The following TCF12 variants were observed in gnomAD, a reference collection of about 807,000 sequenced individuals.
The protein encoded by TCF12 is transcription factor 12, also known as DNA-binding protein HTF4.
Under a neutral mutation model 86.0 loss-of-function variants are expected in TCF12, and 45 were observed. The ratio of observed to expected loss-of-function variants is 0.52; its 90% CI spans 0.41 to 0.67. TCF12 has a LOEUF of 0.67. Ranked by LOEUF, TCF12 falls within the 30% of genes least tolerant of loss-of-function variation. TCF12 has a pLI of 0.00. For synonymous variants in TCF12, 330 were observed against 299.6 expected, an observed-to-expected ratio of 1.10 and a Z score of -1.05; for missense variants, 881 against 859.9, an observed-to-expected ratio of 1.02 and a Z score of -0.31.
chr15:57,241,267 T>C (rs906354709), intron 12 of TCF12, among the ~76,000 whole-genome samples: 4 of 152,088 alleles, frequency 2.6e-5, no homozygotes, highest in African/African-American at 7.2e-5. Context: ...AATTTTTGTA[T>C]GTCTAGTAGA....
intron 3 of TCF12, among the ~76,000 whole-genome samples, chr15:56,983,716 AG>A (rs1423848289): frequency 2.6e-5 from 4 of 152,048 alleles, no homozygotes; most frequent in African/African-American, 9.7e-5. Flanking sequence ...ATTTTGTTCA[AG>A]GGGCTAGGCA....
chr15:56,933,857 T>C (rs2060352929), intron 3 of TCF12, among the ~76,000 whole-genome samples: 1 of 151,982 alleles, frequency 6.6e-6, no homozygotes. Context: ...AACACTAGCC[T>C]ATGGAACTCC....
intron 5 of TCF12, among the ~76,000 whole-genome samples, chr15:57,155,203 C>T (rs2054030965): frequency 6.6e-6 from 1 of 152,154 alleles, no homozygotes; most frequent in Non-Finnish European, 1.5e-5. Context: ...TTCCTTCCTT[C>T]ATTTTTTCCT....
chr15:57,208,576 G>T (rs2057964568), intron 8 of TCF12, among the ~76,000 whole-genome samples: 1 of 150,256 alleles, frequency 6.7e-6, no homozygotes. Flanking sequence ...GTAGAAACAG[G>T]GTTTCATCTT....
intron 5 of TCF12, among the ~76,000 whole-genome samples, chr15:57,154,466 GC>G (rs1204411164): frequency 6.6e-6 from 1 of 152,136 alleles, no homozygotes; most frequent in Non-Finnish European, 1.5e-5. Flanking sequence ...GAATAGGCAG[GC>G]TAAAGATTAT....
intron 5 of TCF12, among the ~76,000 whole-genome samples, chr15:57,147,877 C>G (rs1275506588): frequency 1.4e-5 from 2 of 143,582 alleles, no homozygotes; most frequent in Non-Finnish European, 3.0e-5. Flanking sequence ...GCAAGGGAAA[C>G]TAGACTTTTT....
At chr15:57,103,096 A>T (rs142587830) in intron 5 of TCF12, among the ~76,000 whole-genome samples, 1 of 152,186 alleles carries the variant, frequency 6.6e-6, no homozygotes, top group Non-Finnish European at 1.5e-5. Context: ...TAATGAGAGG[A>T]TAGTGTGAGA....
At chr15:57,170,718 T>C (rs2055352805) in intron 6 of TCF12, among the ~76,000 whole-genome samples, 1 of 3,306 alleles carries the variant, frequency 3.0e-4, no homozygotes, top group Non-Finnish European at 1.0e-3. Flanking sequence ...ATATAATATA[T>C]ATATTATATA....
chr15:57,220,210 C>T (rs574411221), intron 8 of TCF12, among the ~76,000 whole-genome samples: 2 of 152,140 alleles, frequency 1.3e-5, no homozygotes, highest in Non-Finnish European at 2.9e-5. Flanking sequence ...TTTATGTTTT[C>T]GTATATTGTG....
At chr15:57,238,947 A>G (rs2059490961) in intron 12 of TCF12, among the ~76,000 whole-genome samples, 1 of 152,230 alleles carries the variant, frequency 6.6e-6, no homozygotes, top group Non-Finnish European at 1.5e-5. Context: ...CTGAGCTTTG[A>G]TAAGTAGAAT....
chr15:57,078,922 T>C (rs1294575412), intron 4 of TCF12, among the ~76,000 whole-genome samples: 1 of 152,192 alleles, frequency 6.6e-6, no homozygotes, highest in Admixed American at 6.5e-5. Context: ...TTAGGAAGGG[T>C]ATAAGAAAAG....
At chr15:57,078,835 G>C (rs188473288) in intron 4 of TCF12, among the ~76,000 whole-genome samples, 1 of 152,140 alleles carries the variant, frequency 6.6e-6, no homozygotes, top group Non-Finnish European at 1.5e-5. Flanking sequence ...ATCCATTTCG[G>C]TTATTGCTGC....
At chr15:56,961,017 G>T (rs1331176478) in intron 3 of TCF12, among the ~76,000 whole-genome samples, 1 of 151,232 alleles carries the variant, frequency 6.6e-6, no homozygotes, top group Non-Finnish European at 1.5e-5. Context: ...GCGGGCACCT[G>T]TAATCCCTGC....
intron 3 of TCF12, among the ~76,000 whole-genome samples, chr15:56,940,483 TC>T (rs1567135970): frequency 9.6e-4 from 98 of 101,642 alleles, no homozygotes; most frequent in Middle Eastern, 6.3e-3. Flanking sequence ...CTTCTTCTCC[TC>T]CTCCTCCTCC....
At chr15:57,006,158 T>C (rs1447290417) in intron 3 of TCF12, among the ~76,000 whole-genome samples, 1 of 152,170 alleles carries the variant, frequency 6.6e-6, no homozygotes, top group Non-Finnish European at 1.5e-5. Flanking sequence ...TTTATTTCAG[T>C]ATATTATCAC....
intron 11 of TCF12, 144 bp downstream of exon 11, chr15:57,233,000 G>GTA: frequency 4.7e-6 from 2 of 426,130 alleles, no homozygotes; most frequent in Non-Finnish European, 6.8e-6. Context: ...TGTGTTATAT[G>GTA]TATATATGTG....
intron 5 of TCF12, among the ~76,000 whole-genome samples, chr15:57,123,747 C>T (rs564386304): frequency 1.3e-4 from 20 of 151,620 alleles, no homozygotes; most frequent in South Asian, 6.2e-4. Flanking sequence ...GTCAGGAGAT[C>T]GAGACCATCC....
At chr15:57,126,255 A>G (rs570278211) in intron 5 of TCF12, among the ~76,000 whole-genome samples, 2 of 152,288 alleles carry the variant, frequency 1.3e-5, no homozygotes, top group African/African-American at 2.4e-5. Context: ...AAAACAAAGC[A>G]TCTGATTTTT....
chr15:56,958,676 AGAGTGTGT>A (rs1442265057), intron 3 of TCF12, among the ~76,000 whole-genome samples: 49 of 92,594 alleles, frequency 5.3e-4, no homozygotes, highest in African/African-American at 1.3e-3. Flanking sequence ...AGAGAGAGAG[AGAGTGTGT>A]GTGTGTGTGT....
Sources: gnomAD v4.1 joint callset for allele counts (sites outside exome capture counted in the v4.1 genomes callset) on GRCh38, gnomAD v4.1.1 for gene constraint, MANE v1.5 for transcripts, NCBI Gene and HGNC (gene_info 2026-07-23, HGNC 2026-07-21) for gene names.